The following MTFR1 variants were observed in gnomAD, a reference collection of about 807,000 sequenced individuals.
MTFR1 encodes the protein chondrocyte protein with a poly-proline region.
In MTFR1, 28 loss-of-function variants were observed where a neutral mutation model predicts 38.8. The observed-to-expected ratio is 0.72, with a 90% confidence interval of 0.53 to 0.99. The LOEUF is 0.99. MTFR1 is among the 50% of genes least tolerant of loss of function. The pLI, the probability that MTFR1 is intolerant of heterozygous loss-of-function variation, is 0.00. For synonymous variants in MTFR1, 145 were observed against 137.0 expected, an observed-to-expected ratio of 1.06 and a Z score of -0.41; for missense variants, 358 against 395.5, an observed-to-expected ratio of 0.91 and a Z score of 0.81.
intron 4 of MTFR1, among the ~76,000 whole-genome samples, chr8:65,696,579 G>A (rs1805449489): frequency 6.6e-6 from 1 of 152,064 alleles, no homozygotes; most frequent in South Asian, 2.1e-4. Context: ...CCTTCTTAAT[G>A]GCTAGCAACT....
intron 4 of MTFR1, among the ~76,000 whole-genome samples, chr8:65,702,083 G>A (rs891992834): frequency 2.0e-5 from 3 of 152,136 alleles, no homozygotes; most frequent in African/African-American, 7.2e-5. Flanking sequence ...CAGAAGGGTT[G>A]TGTTGAACAG....
At chr8:65,663,357 C>A (rs1367747232) in intron 1 of MTFR1, among the ~76,000 whole-genome samples, 2 of 151,848 alleles carry the variant, frequency 1.3e-5, no homozygotes, top group Admixed American at 6.6e-5. Context: ...GTCATCACCA[C>A]TCTCTAATCT....
At chr8:65,756,582 T>A (rs1307259898) in intron 3 of MTFR1, among the ~76,000 whole-genome samples, 2 of 152,198 alleles carry the variant, frequency 1.3e-5, no homozygotes, top group Non-Finnish European at 2.9e-5. Flanking sequence ...AATTTCTGTT[T>A]GGTTCCTTTT....
intron 1 of MTFR1, among the ~76,000 whole-genome samples, chr8:65,648,405 A>G (rs1271042944): frequency 1.3e-5 from 2 of 152,174 alleles, no homozygotes; most frequent in Non-Finnish European, 2.9e-5. Flanking sequence ...TCTCAATTAC[A>G]TGGCTCTTCT....
chr8:65,650,214 T>C (rs1809082629), intron 1 of MTFR1, among the ~76,000 whole-genome samples: 1 of 147,192 alleles, frequency 6.8e-6, no homozygotes. Flanking sequence ...TATACTCTTT[T>C]TTTTTTTTTT....
chr8:65,681,671 G>GTTTTTTTTTTTTTTTTTT (rs200580429), intron 2 of MTFR1, among the ~76,000 whole-genome samples: 1 of 108,360 alleles, frequency 9.2e-6, no homozygotes, highest in Non-Finnish European at 2.0e-5. Context: ...TGTTGTTTTT[G>GTTTTTTTTTTTTTTTTTT]TTTTTTTTTT....
chr8:65,739,697 G>A (rs1393692907), intron 3 of MTFR1: 2 of 1,185,108 alleles, frequency 1.7e-6, no homozygotes, highest in African/African-American at 3.2e-5. Context: ...CATGGAAAGA[G>A]TAATAATTCC....
chr8:65,650,321 A>G (rs1809088262), intron 1 of MTFR1, among the ~76,000 whole-genome samples: 1 of 144,050 alleles, frequency 6.9e-6, no homozygotes, highest in Non-Finnish European at 1.5e-5. Context: ...ACAGGCGCCC[A>G]CCATCATGCC....
At chr8:65,661,994 G>GCCCTCTCCCTCT (rs1054441860) in intron 1 of MTFR1, among the ~76,000 whole-genome samples, 22 of 143,636 alleles carry the variant, frequency 1.5e-4, no homozygotes, top group Non-Finnish European at 2.7e-4. Flanking sequence ...AAGAGCAAAA[G>GCCCTCTCCCTCT]CCCTCTCCCT....
chr8:65,727,304 G>GGTTCCTTT, intron 3 of MTFR1: 6 of 1,611,726 alleles, frequency 3.7e-6, no homozygotes, highest in African/African-American at 1.3e-5. Context: ...TTGGCAAGCT[G>GGTTCCTTT]AAGTGTGACA....
chr8:65,660,290 TCAAAAAAAAAAAAAAAAAAGA>T (rs1214827191), intron 1 of MTFR1, among the ~76,000 whole-genome samples: 1 of 67,696 alleles, frequency 1.5e-5, no homozygotes, highest in Admixed American at 1.8e-4. Flanking sequence ...AAACTCTGTC[TCAAAAAAAAAAAAAAAAAAGA>T]CAAAAAAAAA....
At chr8:65,680,958 T>C (rs1236917605) in intron 2 of MTFR1, among the ~76,000 whole-genome samples, 2 of 140,356 alleles carry the variant, frequency 1.4e-5, no homozygotes, top group Admixed American at 1.5e-4. Context: ...CAGGCCGGAC[T>C]GCGGACTGCA....
At chr8:65,674,695 A>C (rs907033615) in intron 2 of MTFR1, among the ~76,000 whole-genome samples, 15 of 152,196 alleles carry the variant, frequency 9.9e-5, no homozygotes, top group Non-Finnish European at 1.9e-4. Context: ...TAGAACAGCC[A>C]GTGGTGATTG....
chr8:65,735,563 G>C (rs1807094930), intron 3 of MTFR1, among the ~76,000 whole-genome samples: 2 of 152,072 alleles, frequency 1.3e-5, no homozygotes, highest in South Asian at 4.2e-4. Flanking sequence ...CACCTGCCTT[G>C]GCCTCCCAAA....
chr8:65,688,451 C>CTT (rs199865141), intron 3 of MTFR1, among the ~76,000 whole-genome samples: 3,081 of 130,432 alleles, frequency 0.024, 81 homozygotes, highest in African/African-American at 0.063. Context: ...TTTTTCTTTT[C>CTT]TTTTTTTTTT....
At chr8:65,655,969 C>CATATATATATATATGTATATATATA in intron 1 of MTFR1, among the ~76,000 whole-genome samples, 2 of 56,474 alleles carry the variant, frequency 3.5e-5, no homozygotes, top group African/African-American at 1.0e-4. Context: ...TATATATATA[C>CATATATATATATATGTATATATATA]CATATATATA....
At chr8:65,661,630 AAAAT>A (rs1377869872) in intron 1 of MTFR1, among the ~76,000 whole-genome samples, 1 of 152,156 alleles carries the variant, frequency 6.6e-6, no homozygotes, top group Non-Finnish European at 1.5e-5. Context: ...CTCTGTCTCA[AAAAT>A]AAATACATAA....
intron 1 of MTFR1, among the ~76,000 whole-genome samples, chr8:65,653,988 G>A (rs117443054): frequency 0.042 from 6,293 of 151,636 alleles, 194 homozygotes; most frequent in Non-Finnish European, 0.063. Flanking sequence ...ACTTGAGCCC[G>A]GGAGCTTAGG....
At chr8:65,740,614 C>A (rs1467574119) in intron 3 of MTFR1, among the ~76,000 whole-genome samples, 1 of 152,122 alleles carries the variant, frequency 6.6e-6, no homozygotes, top group Non-Finnish European at 1.5e-5. Context: ...GTTGGCCAGG[C>A]TGGTCTCGAA....
Sources: allele counts gnomAD v4.1 joint callset (sites outside exome capture counted in the v4.1 genomes callset), GRCh38; gene constraint gnomAD v4.1.1; transcripts MANE v1.5; gene names NCBI Gene and HGNC (gene_info 2026-07-23, HGNC 2026-07-21).